The following NOS1AP variants were observed in gnomAD, a reference collection of about 807,000 sequenced individuals.
The protein encoded by NOS1AP is nitric oxide synthase 1 adaptor protein, also known as carboxyl-terminal PDZ ligand of neuronal nitric oxide synthase protein.
In NOS1AP, 21 loss-of-function variants were observed where a neutral mutation model predicts 56.2. The observed-to-expected ratio is 0.37, with a 90% confidence interval of 0.26 to 0.54. The LOEUF (loss-of-function observed/expected upper bound fraction) is 0.54, where lower values mean the gene tolerates loss of function less well. NOS1AP is among the 20% of genes least tolerant of loss of function. The pLI is 0.84. For missense variants in NOS1AP, 522 were observed against 657.8 expected (o/e 0.79, Z 2.26); for synonymous variants, 270 against 274.6 (o/e 0.98, Z 0.17).
chr1:162,355,916 C>T (rs1053666029), intron 7 of NOS1AP, among the ~76,000 whole-genome samples: 14 of 152,124 alleles, frequency 9.2e-5, no homozygotes, highest in African/African-American at 3.4e-4. Context: ...TAATGTGATC[C>T]AATTAAGAAA....
At position 162,367,985 on chromosome 1, in the gene NOS1AP, G is replaced by A. The variant is rs1017598706; in HGVS notation, c.*518G>A. 1 of 158,500 alleles carries A rather than the reference G, an allele frequency of 6.3e-6. No homozygotes were observed. Among genetic ancestry groups the A allele is most frequent in the East Asian group, 1.8e-4 (1 of 5,414 alleles). 9.8% of individuals were successfully genotyped at this position (158,500 alleles called of 1,614,324 possible). On this transcript the variant is annotated 3_prime_UTR_variant, in exon 10 of 10. Transcript: ENST00000361897. This position sits in a 1 kb window ranked among gnomAD's most constrained non-coding sequence, Gnocchi z 6.5. ...AATTCCTTCTCCAGGCCCTTGCTGA[G>A]ATTGTAGAGATTGAGTGCTCTGGAC...
chr1:162,087,764 A>G (rs909283171), intron 1 of NOS1AP, among the ~76,000 whole-genome samples: 2 of 152,174 alleles, frequency 1.3e-5, no homozygotes, highest in African/African-American at 2.4e-5. Flanking sequence ...ATTAAAGCAA[A>G]CAGCCAGAAC....
intron 2 of NOS1AP, among the ~76,000 whole-genome samples, chr1:162,284,874 A>G (rs6677154): frequency 0.3 from 45,647 of 152,052 alleles, 7,313 homozygotes; most frequent in East Asian, 0.59. Context: ...GGAGGTGGAC[A>G]AAGCAAGAAA....
intron 1 of NOS1AP, among the ~76,000 whole-genome samples, chr1:162,106,172 T>C (rs999847851): frequency 5.3e-5 from 8 of 152,188 alleles, no homozygotes; most frequent in African/African-American, 1.7e-4. Context: ...GGGAGAAGCA[T>C]GGTTTCCCAG....
chr1:162,147,034 A>G (rs370812814), intron 1 of NOS1AP, among the ~76,000 whole-genome samples: 22 of 152,250 alleles, frequency 1.4e-4, no homozygotes, highest in African/African-American at 5.1e-4. Context: ...TTTATTTTTG[A>G]TTGATAAATA....
At chr1:162,249,311 C>T (rs4656362) in intron 2 of NOS1AP, among the ~76,000 whole-genome samples, 25,588 of 152,104 alleles carry the variant, frequency 0.17, 2,934 homozygotes, top group East Asian at 0.49. Context: ...GTCCATATGA[C>T]TCAGCCAGGC....
At chr1:162,109,394 A>G (rs1308552368) in intron 1 of NOS1AP, among the ~76,000 whole-genome samples, 8 of 152,242 alleles carry the variant, frequency 5.3e-5, no homozygotes, top group Non-Finnish European at 1.0e-4. Flanking sequence ...AATTATATTT[A>G]AAGAAAGGTC....
chr1:162,213,928 G>A (rs557835227), intron 2 of NOS1AP, among the ~76,000 whole-genome samples: 7 of 152,242 alleles, frequency 4.6e-5, no homozygotes, highest in Non-Finnish European at 7.4e-5. Flanking sequence ...TACTTGTCTC[G>A]TCTCATCTTC....
intron 1 of NOS1AP, among the ~76,000 whole-genome samples, chr1:162,151,836 AG>A (rs1313837016): frequency 3.3e-5 from 5 of 151,958 alleles, no homozygotes; most frequent in Non-Finnish European, 5.9e-5. Context: ...GTGTGGGGTG[AG>A]GCAAGTGTGT....
chr1:162,278,109 T>C (rs545130978), intron 2 of NOS1AP, among the ~76,000 whole-genome samples: 2 of 152,316 alleles, frequency 1.3e-5, no homozygotes, highest in South Asian at 4.1e-4. Context: ...TCCATCCTCT[T>C]CCCTTGCTTC....
Position 162,245,511 on chromosome 1 carries a change from A to G in NOS1AP, c.178-41833A>G, listed in dbSNP as rs193231718. Among the ~76,000 whole-genome samples, 120 of 152,298 alleles carry G rather than the reference A, an allele frequency of 7.9e-4. 2 individuals carry two copies. Among genetic ancestry groups the G allele is most frequent in the Admixed American group, 6.3e-3 (97 of 15,296 alleles). On this transcript the variant is annotated intron_variant, in intron 2 of 9. Coordinates refer to ENST00000361897, the MANE Select transcript of NOS1AP (RefSeq NM_014697.3). Reference sequence around the variant, plus strand: ...AAACATACACCTACCATATGATCCAACCATTCTACTTCTAGGTATTTACCC... The same window carrying G: ...AAACATACACCTACCATATGATCCAGCCATTCTACTTCTAGGTATTTACCC...
intron 1 of NOS1AP, among the ~76,000 whole-genome samples, chr1:162,152,818 A>G (rs1408456062): frequency 6.6e-6 from 1 of 152,088 alleles, no homozygotes; most frequent in East Asian, 1.9e-4. Flanking sequence ...TTCGGGAAAA[A>G]CTTGCTTTTC....
intron 1 of NOS1AP, among the ~76,000 whole-genome samples, chr1:162,076,468 A>G (rs1175843149): frequency 6.6e-6 from 1 of 152,216 alleles, no homozygotes; most frequent in African/African-American, 2.4e-5. Context: ...TTCACATACC[A>G]TACAATTCAC....
intron 2 of NOS1AP, among the ~76,000 whole-genome samples, chr1:162,277,905 T>C (rs1654793763): frequency 6.6e-6 from 1 of 152,192 alleles, no homozygotes; most frequent in South Asian, 2.1e-4. Context: ...TCTCTAGTCT[T>C]TCCTAGATTT....
intron 2 of NOS1AP, among the ~76,000 whole-genome samples, chr1:162,277,503 T>C (rs1463104787): frequency 6.6e-6 from 1 of 152,206 alleles, no homozygotes; most frequent in Non-Finnish European, 1.5e-5. Context: ...CTGGAACTTG[T>C]ATTATCCTAA....
At chr1:162,329,239 AT>A (rs1175102712) in intron 4 of NOS1AP, among the ~76,000 whole-genome samples, 2 of 152,292 alleles carry the variant, frequency 1.3e-5, no homozygotes, top group East Asian at 3.9e-4. Flanking sequence ...AAAGTAAGAA[AT>A]TTTAGGGCCA....
At chr1:162,333,258 T>A (rs1160032877) in intron 5 of NOS1AP, 133 bp downstream of exon 5, 3 of 706,360 alleles carry the variant, frequency 4.2e-6, no homozygotes, top group Non-Finnish European at 7.7e-6. Context: ...TCGTCTGTCA[T>A]TGCTCCTATA....
chr1:162,271,416 C>T (rs1654580383), intron 2 of NOS1AP, among the ~76,000 whole-genome samples: 1 of 152,094 alleles, frequency 6.6e-6, no homozygotes, highest in South Asian at 2.1e-4. Flanking sequence ...ATGAGGGCCA[C>T]GTGGTGAGCA....
intron 1 of NOS1AP, among the ~76,000 whole-genome samples, chr1:162,141,527 A>G (rs1649234238): frequency 2.0e-5 from 3 of 152,104 alleles, no homozygotes. Flanking sequence ...TCTAGTGCTG[A>G]TGTCTCTCTT....
Sources: allele counts gnomAD v4.1 joint callset (sites outside exome capture counted in the v4.1 genomes callset), GRCh38; gene constraint gnomAD v4.1.1; non-coding constraint Gnocchi (gnomAD v3.1); transcripts MANE v1.5; gene names NCBI Gene and HGNC (gene_info 2026-07-23, HGNC 2026-07-21).